Variants in KDM6A observed in about 807,000 individuals in gnomAD.
The protein encoded by KDM6A is lysine demethylase 6A.
KDM6A carries 11 observed loss-of-function variants against 117.6 expected under a neutral mutation model. The observed-to-expected ratio is 0.09, with a 90% CI of 0.06 to 0.15. The LOEUF (loss-of-function observed/expected upper bound fraction) is 0.15, where lower values mean the gene tolerates loss of function less well. Among genes scored for constraint, KDM6A ranks in the 10% least tolerant of loss-of-function variants. The pLI is 1.00. For missense variants in KDM6A, 799 were observed against 1,077.3 expected, an observed-to-expected ratio of 0.74 and a Z score of 3.62; for synonymous variants, 384 against 396.1, an observed-to-expected ratio of 0.97 and a Z score of 0.36.
At chrX:44,963,185 G>A (rs2038776054) in intron 3 of KDM6A, among the ~76,000 whole-genome samples, 1 of 111,171 alleles carries the variant, frequency 9.0e-6, no homozygotes, top group African/African-American at 3.3e-5. Flanking sequence ...CTTTTGGCCA[G>A]GCACGGTGGC....
At chrX:44,912,858 TACC>T (rs1160786664) in intron 2 of KDM6A, among the ~76,000 whole-genome samples, 1 of 112,563 alleles carries the variant, frequency 8.9e-6, no homozygotes, top group Non-Finnish European at 1.9e-5. Flanking sequence ...TTTTACCATC[TACC>T]TGGAGGTGAA....
At chrX:45,005,988 A>ACCC (rs1219535424) in intron 4 of KDM6A, among the ~76,000 whole-genome samples, 3 of 14,776 alleles carry the variant, frequency 2.0e-4, no homozygotes, top group Non-Finnish European at 3.9e-4. Context: ...ACCCCCCACC[A>ACCC]CCCACCACCC....
intron 3 of KDM6A, among the ~76,000 whole-genome samples, chrX:44,969,226 C>A (rs1378900344): frequency 9.1e-6 from 1 of 109,794 alleles, no homozygotes; most frequent in African/African-American, 3.3e-5. Flanking sequence ...ATAGATTTTT[C>A]TTGCATTCTT....
Position 45,020,620 on chromosome X carries a change from G to A in KDM6A, c.454G>A (p.Ala152Thr), listed in dbSNP as rs2147665006. 2 of 1,209,036 alleles carry A rather than the reference G, an allele frequency of 1.7e-6. No individual in the cohort carries two copies. The highest frequency in any genetic ancestry group is 1.1e-6 in the Non-Finnish European group (1 of 893,421). ...TCTATATTCTTTCAGGGCAATTAAA[G>A]CATTTCAGGAGGTGCTTTATGTTGA... The part of the protein sequence containing the change: ...HYNAFQWAIK[A>T]FQEVLYVDPS... Residue 152 changes from alanine (A) to threonine (T), a missense_variant, in exon 6 of 30, where the codon GCA becomes ACA. Transcript: ENST00000611820.
At chrX:45,078,597 C>A in intron 20 of KDM6A, 92 bp downstream of exon 20, 2 of 703,150 alleles carry the variant, frequency 2.8e-6, no homozygotes, top group Non-Finnish European at 2.1e-6. Context: ...TCTTTTTTTT[C>A]TTTTTTCTTT....
At chrX:44,899,864 T>C (rs2034214647) in intron 2 of KDM6A, among the ~76,000 whole-genome samples, 1 of 111,795 alleles carries the variant, frequency 8.9e-6, no homozygotes, top group African/African-American at 3.3e-5. Flanking sequence ...AAAGATATTA[T>C]GTCGTGAACA....
intron 25 of KDM6A, among the ~76,000 whole-genome samples, chrX:45,089,429 G>A (rs773807395): frequency 2.7e-5 from 3 of 109,476 alleles, no homozygotes; most frequent in African/African-American, 1.0e-4. Context: ...CAGAGGCTGA[G>A]GCAGGAGAAT....
intron 4 of KDM6A, among the ~76,000 whole-genome samples, chrX:44,986,723 G>C (rs2040247207): frequency 1.8e-5 from 2 of 112,028 alleles, no homozygotes; most frequent in Non-Finnish European, 3.8e-5. Context: ...GAGCAGTTTT[G>C]ATTGAGTTTC....
At chrX:44,937,639 T>C (rs937559014) in intron 2 of KDM6A, among the ~76,000 whole-genome samples, 17 of 111,761 alleles carry the variant, frequency 1.5e-4, no homozygotes, top group Non-Finnish European at 3.2e-4. Context: ...CCCTGGTCTC[T>C]CTCCCTCTCC....
chrX:44,942,346 A>T (rs776133771), intron 2 of KDM6A, among the ~76,000 whole-genome samples: 1 of 110,158 alleles, frequency 9.1e-6, no homozygotes, highest in South Asian at 3.9e-4. Context: ...CTGTTTTTTT[A>T]AGAAATTGTC....
At chrX:44,948,095 A>G (rs1602304328) in intron 2 of KDM6A, among the ~76,000 whole-genome samples, 1 of 112,202 alleles carries the variant, frequency 8.9e-6, no homozygotes, top group African/African-American at 3.2e-5. Context: ...AGTTTTCAGC[A>G]CAAGGTTTCA....
intron 9 of KDM6A, 44 bp from the exon 10 acceptor site, chrX:45,053,784 AC>A (rs752044657): frequency 1.5e-5 from 15 of 1,030,590 alleles, no homozygotes; most frequent in Non-Finnish European, 1.8e-5. Context: ...ACATAGAAGA[AC>A]AATTAAGTCA....
chrX:45,023,625 G>A (rs745858790), intron 6 of KDM6A, among the ~76,000 whole-genome samples: 23 of 111,809 alleles, frequency 2.1e-4, no homozygotes, highest in Admixed American at 3.8e-4. Context: ...GAATATATGT[G>A]TGTGTTTGTT....
chrX:44,914,614 T>C (rs754432307), intron 2 of KDM6A, among the ~76,000 whole-genome samples: 1 of 111,301 alleles, frequency 9.0e-6, no homozygotes, highest in Non-Finnish European at 1.9e-5. Context: ...ATATGTTCCC[T>C]GACCCTATCC....
rs774540724 is a variant in KDM6A, at chrX:44,905,363, T to TA, written c.225+31377dup. Among the ~76,000 whole-genome samples, 80 of 112,449 alleles carry TA rather than the reference T, an allele frequency of 7.1e-4. 3 individuals carry two copies. Among genetic ancestry groups the TA allele is most frequent in the Admixed American group, 7.1e-3 (75 of 10,591 alleles). On this transcript the variant is annotated intron_variant, in intron 2 of 29. Coordinates refer to ENST00000611820, the MANE Select transcript of KDM6A (RefSeq NM_001291415.2). ...TAGACACAAATATTTACCACTGTGT[T>TA]ACATTGGTCTGTTGTATTCAGTACA...
At chrX:44,968,772 A>G (rs564971322) in intron 3 of KDM6A, among the ~76,000 whole-genome samples, 11 of 111,150 alleles carry the variant, frequency 9.9e-5, no homozygotes, top group African/African-American at 2.9e-4. Context: ...GGAACTCTAG[A>G]CCAGCCTGAC....
At position 45,062,768 on chromosome X, in the gene KDM6A, C is replaced by T. The variant is rs557391484; in HGVS notation, c.1683+20C>T. 232 of 1,033,377 alleles carry T rather than the reference C, an allele frequency of 2.2e-4. 4 individuals are homozygous for T. The South Asian group carries it at 3.9e-3, about 17-fold the overall frequency. 85.2% of individuals were successfully genotyped at this position (1,033,377 alleles called of 1,213,427 possible). A position where few individuals can be genotyped will look rare whatever the true frequency, so the allele number is the denominator to read the frequency against. On this transcript the variant is annotated intron_variant, in intron 16 of 29. Coordinates refer to ENST00000611820, the MANE Select transcript of KDM6A (RefSeq NM_001291415.2). ...CACCAAGTGTGTATAGCATATTTTT[C>T]CCTGAAATTTGTTAGCATTTTGAGT...
At chrX:44,974,800 C>A in intron 4 of KDM6A, 85 bp downstream of exon 4, 1 of 687,652 alleles carries the variant, frequency 1.5e-6, no homozygotes, top group Non-Finnish European at 2.4e-6. Context: ...TGAGCTCTTG[C>A]TTTTTTTTGT....
chrX:45,061,338 T>C lies in KDM6A; in HGVS notation c.1500T>C (p.Asn500=). 1 of 1,168,843 alleles carries C rather than the reference T, an allele frequency of 8.6e-7. No homozygotes were observed. Among genetic ancestry groups the C allele is most frequent in the Non-Finnish European group, 1.2e-6 (1 of 858,343 alleles). ...TSSPTKNTSD[N]WSGGHAVSHP... ...ATTTTCCTCAGAATACTTCTGACAA[T>C]TGGAGTGGTGGACATGCTGTGTCAC... The change falls in exon 15 of 30, where the codon AAT becomes AAC. Residue 500 remains asparagine (N), a synonymous_variant. Transcript: ENST00000611820.
Sources: allele counts gnomAD v4.1 joint callset (sites outside exome capture counted in the v4.1 genomes callset), GRCh38; gene constraint gnomAD v4.1.1; transcripts MANE v1.5; gene names NCBI Gene and HGNC (gene_info 2026-07-23, HGNC 2026-07-21).